SRGAP1: variants seen among roughly 807,000 people sequenced by gnomAD.
SRGAP1 encodes the protein SLIT-ROBO Rho GTPase activating protein 1, also known as SLIT-ROBO Rho GTPase-activating protein 1.
SRGAP1 carries 43 observed loss-of-function variants against 121.9 expected under a neutral mutation model. The ratio of observed to expected loss-of-function variants is 0.35; its 90% confidence interval spans 0.28 to 0.46. The LOEUF (loss-of-function observed/expected upper bound fraction) is 0.46. Ranked by LOEUF, SRGAP1 falls within the 20% of genes least tolerant of loss-of-function variation. SRGAP1 has a pLI of 1.00. For missense variants in SRGAP1, 1,102 were observed against 1,350.9 expected, an observed-to-expected ratio of 0.82 and a Z score of 2.89; for synonymous variants, 447 against 485.4, an observed-to-expected ratio of 0.92 and a Z score of 1.04.
At position 63,977,084 on chromosome 12, in the gene SRGAP1, A is replaced by G. The variant is rs573004705; in HGVS notation, c.68-6863A>G. 1.5e-3 allele frequency among the ~76,000 whole-genome samples: 233 copies of G among 152,166 alleles called. 1 individual carries two copies. Among genetic ancestry groups the G allele is most frequent in the African/African-American group, 5.3e-3 (221 of 41,538 alleles). On this transcript the variant is annotated intron_variant, in intron 1 of 21. Transcript: ENST00000355086. ...GAATTTTTGCCTGCTCCAAATTTTTAGCCTAAAAAAGCTTATTATGCAAAA... is the reference window on the plus strand; with the variant it reads ...GAATTTTTGCCTGCTCCAAATTTTTGGCCTAAAAAAGCTTATTATGCAAAA...
At chr12:63,950,543 C>T (rs1019388292) in intron 1 of SRGAP1, among the ~76,000 whole-genome samples, 33 of 152,074 alleles carry the variant, frequency 2.2e-4, no homozygotes, top group African/African-American at 7.7e-4. Context: ...CCCTTCTCTC[C>T]AGCTCATGAC....
At chr12:64,006,544 A>G (rs1377268362) in intron 3 of SRGAP1, among the ~76,000 whole-genome samples, 1 of 152,188 alleles carries the variant, frequency 6.6e-6, no homozygotes, top group Non-Finnish European at 1.5e-5. Context: ...TAAGGATGCT[A>G]AGAGAGTTTT....
chr12:63,939,986 G>GTC (rs928073139), intron 1 of SRGAP1, among the ~76,000 whole-genome samples: 3 of 151,180 alleles, frequency 2.0e-5, no homozygotes, highest in Admixed American at 6.6e-5. Context: ...TTGAGACAGA[G>GTC]TCTCTCTCTC....
At chr12:63,862,449 A>G (rs1899487651) in intron 1 of SRGAP1, among the ~76,000 whole-genome samples, 1 of 152,160 alleles carries the variant, frequency 6.6e-6, no homozygotes, top group Non-Finnish European at 1.5e-5. Flanking sequence ...CTCCCTTCTC[A>G]GTTGGTCTGT....
At chr12:63,975,598 C>T (rs149375430) in intron 1 of SRGAP1, among the ~76,000 whole-genome samples, 3,150 of 151,456 alleles carry the variant, frequency 0.021, 51 homozygotes, top group South Asian at 0.045. Flanking sequence ...TCTTTTTTTT[C>T]TCATAAGATT....
chr12:63,919,652 C>T (rs188615413), intron 1 of SRGAP1, among the ~76,000 whole-genome samples: 348 of 152,124 alleles, frequency 2.3e-3, no homozygotes, highest in Admixed American at 6.3e-3. Context: ...CTGCCCCATC[C>T]CATATACCTG....
chr12:63,929,807 A>G (rs1053231091), intron 1 of SRGAP1, among the ~76,000 whole-genome samples: 1 of 152,154 alleles, frequency 6.6e-6, no homozygotes, highest in Admixed American at 6.5e-5. Context: ...TATAATTCAA[A>G]ACAAAGTTCA....
intron 8 of SRGAP1, among the ~76,000 whole-genome samples, chr12:64,076,128 C>T (rs1199432848): frequency 2.6e-5 from 4 of 152,070 alleles, no homozygotes; most frequent in African/African-American, 7.2e-5. Context: ...TATTAGTGCC[C>T]CTAATGGTTT....
intron 6 of SRGAP1, among the ~76,000 whole-genome samples, chr12:64,046,119 G>A (rs1402272296): frequency 6.6e-6 from 1 of 152,196 alleles, no homozygotes; most frequent in South Asian, 2.1e-4. Flanking sequence ...ATATTGAAGG[G>A]TGCAGAGGCA....
intron 1 of SRGAP1, among the ~76,000 whole-genome samples, chr12:63,944,367 G>T (rs1190794771): frequency 6.6e-6 from 1 of 152,158 alleles, no homozygotes; most frequent in East Asian, 1.9e-4. Context: ...CAGATTCAAT[G>T]TCTACTAAGG....
chr12:64,096,295 G>T (rs1320264590), intron 14 of SRGAP1, among the ~76,000 whole-genome samples: 1 of 152,024 alleles, frequency 6.6e-6, no homozygotes, highest in Non-Finnish European at 1.5e-5. Context: ...GTGATTTCTT[G>T]CCCTAGGAAC....
chr12:63,853,254 CA>C (rs1193691694), intron 1 of SRGAP1, among the ~76,000 whole-genome samples: 1 of 152,092 alleles, frequency 6.6e-6, no homozygotes, highest in East Asian at 1.9e-4. Flanking sequence ...CTCCTGACAT[CA>C]GGTGATCCAC....
chr12:63,890,801 C>CT (rs1182243843), intron 1 of SRGAP1, among the ~76,000 whole-genome samples: 2 of 152,076 alleles, frequency 1.3e-5, no homozygotes, highest in Admixed American at 1.3e-4. Context: ...CTTTCCTGTC[C>CT]TTTTGCACTG....
At position 63,844,968 on chromosome 12, in the gene SRGAP1, G is replaced by C; in HGVS notation, c.67+85G>C. 7.3e-7 allele frequency: 1 copy of C among 1,370,236 alleles called. No individual in the cohort carries two copies. 84.9% of individuals were successfully genotyped at this position (1,370,236 alleles called of 1,614,324 possible). Reference sequence around the variant, plus strand: ...GAGTTGCGTATCTAACTTGGTGTCTGCGTGGGAGGAAGGTGGTGAGGGGAC... The same window carrying C: ...GAGTTGCGTATCTAACTTGGTGTCTCCGTGGGAGGAAGGTGGTGAGGGGAC... On this transcript the variant is annotated intron_variant, in intron 1 of 21. Transcript: ENST00000355086. The surrounding 1 kb of genome is among the most constrained non-coding windows in gnomAD (Gnocchi z 4.3).
chr12:64,096,363 C>T (rs556704204), intron 14 of SRGAP1, among the ~76,000 whole-genome samples: 109 of 152,108 alleles, frequency 7.2e-4, no homozygotes, highest in African/African-American at 2.5e-3. Context: ...CAAAAAAATA[C>T]GTTAAAATGC....
intron 1 of SRGAP1, among the ~76,000 whole-genome samples, chr12:63,915,046 T>TA (rs1253718784): frequency 6.6e-6 from 1 of 152,220 alleles, no homozygotes; most frequent in Non-Finnish European, 1.5e-5. Context: ...TATATTTTTG[T>TA]AAGAAACCTC....
At chr12:63,898,944 G>A (rs566952325) in intron 1 of SRGAP1, among the ~76,000 whole-genome samples, 68 of 152,100 alleles carry the variant, frequency 4.5e-4, no homozygotes, top group African/African-American at 1.6e-3. Flanking sequence ...CTTTGATCAC[G>A]TCATTGGTTA....
rs937697198 is a variant in SRGAP1, at chr12:64,033,336, C to A, written c.490-9454C>A. Among the ~76,000 whole-genome samples, 16 of 152,104 alleles carry A rather than the reference C, an allele frequency of 1.1e-4. 1 individual carries two copies. The highest frequency in any genetic ancestry group is 2.1e-4 in the South Asian group (1 of 4,826). ...TGATTTCATTTCAGTGGAGTCACAA[C>A]GTATCTCAAATTTCCTTTGATAAAC... is the stretch of plus-strand genomic sequence containing the variant. On this transcript the variant is annotated intron_variant, in intron 4 of 21. Coordinates refer to ENST00000355086, the MANE Select transcript of SRGAP1 (RefSeq NM_020762.4).
intron 1 of SRGAP1, among the ~76,000 whole-genome samples, chr12:63,927,474 G>C (rs1402528102): frequency 6.6e-6 from 1 of 152,186 alleles, no homozygotes; most frequent in Non-Finnish European, 1.5e-5. Flanking sequence ...CACAGAAGCT[G>C]CATATTCCCT....
Sources: gnomAD v4.1 joint callset for allele counts (sites outside exome capture counted in the v4.1 genomes callset) on GRCh38, gnomAD v4.1.1 for gene constraint, Gnocchi (gnomAD v3.1) non-coding constraint, MANE v1.5 for transcripts, NCBI Gene and HGNC (gene_info 2026-07-23, HGNC 2026-07-21) for gene names.